SEPTIN11: variants seen among roughly 807,000 people sequenced by gnomAD.
The protein encoded by SEPTIN11 is septin 11, also known as septin-11.
Under a neutral mutation model 51.4 loss-of-function variants are expected in SEPTIN11, and 25 were observed. The ratio of observed to expected loss-of-function variants is 0.49; its 90% CI spans 0.35 to 0.68. The LOEUF (loss-of-function observed/expected upper bound fraction) is 0.68, where lower values mean the gene tolerates loss of function less well. Ranked by LOEUF, SEPTIN11 falls within the 30% of genes least tolerant of loss-of-function variation. SEPTIN11 has a pLI of 0.00. For missense variants in SEPTIN11, 381 were observed against 520.8 expected (o/e 0.73, Z 2.61); for synonymous variants, 174 against 184.1 (o/e 0.95, Z 0.44).
intron 1 of SEPTIN11, among the ~76,000 whole-genome samples, chr4:76,970,739 A>G (rs1722205252): frequency 6.6e-6 from 1 of 152,228 alleles, no homozygotes; most frequent in African/African-American, 2.4e-5. Context: ...AGAAAATACT[A>G]CAGTGACTGG....
intron 5 of SEPTIN11, among the ~76,000 whole-genome samples, chr4:77,016,583 C>CAT (rs1360984179): frequency 1.3e-4 from 12 of 90,492 alleles, no homozygotes; most frequent in African/African-American, 4.9e-4. Context: ...ATATATATAG[C>CAT]ATATATATAC....
At chr4:76,980,354 ATGTGACT>A (rs1259654362) in intron 1 of SEPTIN11, among the ~76,000 whole-genome samples, 4 of 152,208 alleles carry the variant, frequency 2.6e-5, no homozygotes, top group African/African-American at 9.6e-5. Flanking sequence ...GTGTTCATGC[ATGTGACT>A]TGTGGCTGTC....
intron 5 of SEPTIN11, among the ~76,000 whole-genome samples, chr4:77,017,633 G>A (rs1725391582): frequency 6.6e-6 from 1 of 152,182 alleles, no homozygotes; most frequent in Non-Finnish European, 1.5e-5. Flanking sequence ...TGGGCAATCT[G>A]AGCCAATGAT....
chr4:76,990,578 C>T (rs1723323904), intron 1 of SEPTIN11, among the ~76,000 whole-genome samples: 1 of 152,124 alleles, frequency 6.6e-6, no homozygotes, highest in African/African-American at 2.4e-5. Context: ...GAGCCTGAGC[C>T]CTGTTGTGAA....
At position 77,016,996 on chromosome 4, in the gene SEPTIN11, G is replaced by A. The variant is rs757574583; in HGVS notation, c.687+1979G>A. ...AGTGTCCATGGACAGTCCTGGAACC[G>A]GTACCCTGTGGATACTGCAGGAGGT... On this transcript the variant is annotated intron_variant, in intron 5 of 9. Coordinates refer to ENST00000264893, the MANE Select transcript of SEPTIN11 (RefSeq NM_018243.4). Among the ~76,000 whole-genome samples, 84 of 151,980 alleles carry A rather than the reference G, an allele frequency of 5.5e-4. 1 individual carries two copies. Among genetic ancestry groups the A allele is most frequent in the Non-Finnish European group, 1.0e-4 (7 of 67,996 alleles).
In SEPTIN11 at chr4:77,035,721, T is replaced by C. The variant is rs1021669047; in HGVS notation, c.*1209T>C. 5.3e-5 allele frequency: 52 copies of C among 985,786 alleles called. No individual in the cohort carries two copies. The highest frequency in any genetic ancestry group is 5.9e-5 in the Non-Finnish European group (49 of 829,960). 61.1% of individuals were successfully genotyped at this position (985,786 alleles called of 1,614,324 possible). On this transcript the variant is annotated 3_prime_UTR_variant, in exon 10 of 10. Transcript: ENST00000264893. Reference sequence around the variant, plus strand: ...CACCTTGGCTAGCTCCACCTGCTCTTTGTCTAAGGCCCTTGCCTCATCAGG... The same window carrying C: ...CACCTTGGCTAGCTCCACCTGCTCTCTGTCTAAGGCCCTTGCCTCATCAGG...
chr4:77,019,020 C>T (rs1033046779), intron 5 of SEPTIN11, 145 bp from the exon 6 acceptor site: 16 of 641,474 alleles, frequency 2.5e-5, no homozygotes, highest in African/African-American at 3.7e-5. Context: ...GGGTGGGATA[C>T]GTGACATCCA....
At chr4:77,021,070 C>T (rs932895541) in intron 7 of SEPTIN11, 2 of 159,512 alleles carry the variant, frequency 1.3e-5, no homozygotes, top group African/African-American at 4.8e-5. Flanking sequence ...TACAGTTTGC[C>T]CCATTCATTT....
rs190546634 is a variant in SEPTIN11 at position 76,987,884 on chromosome 4, C to A, written c.28-8541C>A. 2,641 of 924,646 alleles carry A rather than the reference C, an allele frequency of 2.9e-3. 5 individuals carry two copies. Among genetic ancestry groups the A allele is most frequent in the Middle Eastern group, 5.0e-3 (9 of 1,802 alleles). 57.3% of individuals were successfully genotyped at this position (924,646 alleles called of 1,614,324 possible). On this transcript the variant is annotated intron_variant, in intron 1 of 9. Coordinates refer to ENST00000264893, the MANE Select transcript of SEPTIN11 (RefSeq NM_018243.4). Reference sequence around the variant, plus strand: ...TAAGATGAAGGGGTATGTACTTCTTCTCTTTTCCAAGTGGGTATTCTGTAA... The same window carrying A: ...TAAGATGAAGGGGTATGTACTTCTTATCTTTTCCAAGTGGGTATTCTGTAA...
At position 77,034,623 on chromosome 4, in the gene SEPTIN11, T is replaced by C. The variant is rs1726903783; in HGVS notation, c.*111T>C. ...TTATTTTATTTTATTTTTTTACCCT[T>C]CCTCAAACACCAGTAACTATTATTA... On this transcript the variant is annotated 3_prime_UTR_variant, in exon 10 of 10. Transcript: ENST00000264893. 2 of 1,382,468 alleles carry C rather than the reference T, an allele frequency of 1.4e-6. No individual in the cohort carries two copies. Among genetic ancestry groups the C allele is most frequent in the African/African-American group, 3.0e-5 (2 of 66,052 alleles). 85.6% of individuals were successfully genotyped at this position (1,382,468 alleles called of 1,614,324 possible).
intron 2 of SEPTIN11, among the ~76,000 whole-genome samples, chr4:76,997,411 T>C (rs1723798054): frequency 6.6e-6 from 1 of 152,222 alleles, no homozygotes; most frequent in Non-Finnish European, 1.5e-5. Context: ...GTGTGTTCAA[T>C]GTGAGAACCA....
chr4:77,001,995 T>C (rs1302367281), intron 2 of SEPTIN11, among the ~76,000 whole-genome samples: 1 of 152,196 alleles, frequency 6.6e-6, no homozygotes, highest in Non-Finnish European at 1.5e-5. Context: ...AGCTAATGCA[T>C]TGAAAAACTT....
At chr4:76,973,431 C>G (rs1722337337) in intron 1 of SEPTIN11, among the ~76,000 whole-genome samples, 1 of 152,184 alleles carries the variant, frequency 6.6e-6, no homozygotes, top group South Asian at 2.1e-4. Flanking sequence ...GTGTGTGGAG[C>G]AGCCACGCAG....
Position 76,949,783 on chromosome 4 carries a change from C to T in SEPTIN11, c.-121C>T, listed in dbSNP as rs944819682. 3 of 1,103,960 alleles carry T rather than the reference C, an allele frequency of 2.7e-6. No individual in the cohort carries two copies. The highest frequency in any genetic ancestry group is 2.7e-5 in the Admixed American group (1 of 37,090). The allele number at this position is 1,103,960 out of a possible 1,614,324, so 68.4% of individuals were successfully genotyped here. ...ATGCCGCTGGCTGCCAGCGGGACGC[C>T]GGCGAGCAGAGCGCAGCCGCGAGGG... On this transcript the variant is annotated 5_prime_UTR_variant, in exon 1 of 10. Coordinates refer to ENST00000264893, the MANE Select transcript of SEPTIN11 (RefSeq NM_018243.4).
At chr4:77,005,491 T>G in intron 2 of SEPTIN11, 110 bp from the exon 3 acceptor site, 1 of 944,058 alleles carries the variant, frequency 1.1e-6, no homozygotes, top group South Asian at 1.9e-5. Flanking sequence ...CTGGTGACAG[T>G]TTTTCTTTTT....
downstream of SEPTIN11, chr4:77,039,050 CCTTT>C: frequency 1.6e-6 from 2 of 1,276,856 alleles, no homozygotes; most frequent in Non-Finnish European, 2.0e-6. Context: ...TGAATCTGAA[CCTTT>C]CTTTTTTCTC....
chr4:76,956,979 T>TGTGC (rs1721584196), intron 1 of SEPTIN11, among the ~76,000 whole-genome samples: 1 of 139,054 alleles, frequency 7.2e-6, no homozygotes, highest in Non-Finnish European at 1.5e-5. Context: ...TGTGTGTGTG[T>TGTGC]GTGTGTGTGT....
intron 1 of SEPTIN11, among the ~76,000 whole-genome samples, chr4:76,990,061 T>C (rs1262734018): frequency 1.3e-5 from 2 of 152,044 alleles, no homozygotes; most frequent in Non-Finnish European, 2.9e-5. Context: ...CCTGAGCGGG[T>C]TGCCGCTGCT....
intron 1 of SEPTIN11, among the ~76,000 whole-genome samples, chr4:76,986,956 C>T (rs1238972857): frequency 1.3e-5 from 2 of 152,158 alleles, no homozygotes; most frequent in African/African-American, 4.8e-5. Context: ...AAAACCCCCA[C>T]ACGGCATTAA....
Sources: allele counts gnomAD v4.1 joint callset (sites outside exome capture counted in the v4.1 genomes callset), GRCh38; gene constraint gnomAD v4.1.1; transcripts MANE v1.5; gene names NCBI Gene and HGNC (gene_info 2026-07-23, HGNC 2026-07-21).